The following DTWD2 variants were observed in gnomAD, a reference collection of about 807,000 sequenced individuals.
DTWD2 encodes the protein tRNA-uridine aminocarboxypropyltransferase 2.
Under a neutral mutation model 31.8 loss-of-function variants are expected in DTWD2, and 39 were observed. The observed-to-expected ratio is 1.22, with a 90% CI of 0.95 to 1.60. The LOEUF is 1.60. Ranked by LOEUF, DTWD2 falls within the 40% of genes most tolerant of loss-of-function variation. The pLI, the probability that DTWD2 is intolerant of heterozygous loss-of-function variation, is 0.00. For missense variants in DTWD2, 515 were observed against 381.5 expected (o/e 1.35, Z -2.92); for synonymous variants, 180 against 142.8 (o/e 1.26, Z -1.86).
chr5:118,876,645 C>T (rs993486207), intron 4 of DTWD2, among the ~76,000 whole-genome samples: 3 of 152,172 alleles, frequency 2.0e-5, no homozygotes, highest in Middle Eastern at 6.8e-3. Flanking sequence ...GAAATGGATA[C>T]ATTCCTGGAC....
At chr5:118,898,842 T>A (rs1753141886) in intron 4 of DTWD2, among the ~76,000 whole-genome samples, 1 of 152,210 alleles carries the variant, frequency 6.6e-6, no homozygotes, top group Non-Finnish European at 1.5e-5. Flanking sequence ...GAGGAAAAGG[T>A]TATCCTTAGC....
intron 1 of DTWD2, among the ~76,000 whole-genome samples, chr5:118,966,327 G>T (rs1352703841): frequency 1.3e-5 from 2 of 152,148 alleles, no homozygotes. Flanking sequence ...GTGCGCAGTG[G>T]TTGTCATAAA....
chr5:118,953,965 A>G (rs375272784), intron 1 of DTWD2, among the ~76,000 whole-genome samples: 1 of 152,160 alleles, frequency 6.6e-6, no homozygotes, highest in African/African-American at 2.4e-5. Context: ...CTTTGCTCCA[A>G]TGCCCCATTC....
intron 3 of DTWD2, among the ~76,000 whole-genome samples, chr5:118,933,182 T>C (rs906008256): frequency 3.9e-5 from 6 of 152,088 alleles, no homozygotes; most frequent in Admixed American, 6.6e-5. Flanking sequence ...AATAATCTTC[T>C]AAAAAAGAAA....
chr5:118,985,279 A>T (rs955015912), intron 1 of DTWD2, among the ~76,000 whole-genome samples: 2 of 151,974 alleles, frequency 1.3e-5, no homozygotes, highest in Non-Finnish European at 2.9e-5. Context: ...TAAATATTAG[A>T]ATCCAGATTA....
At chr5:118,860,250 G>C (rs543023250) in intron 4 of DTWD2, among the ~76,000 whole-genome samples, 106 of 149,718 alleles carry the variant, frequency 7.1e-4, no homozygotes, top group Middle Eastern at 3.6e-3. Context: ...AATCTTAAAT[G>C]AATATATCAT....
At chr5:118,854,566 C>T (rs372749835) in intron 4 of DTWD2, among the ~76,000 whole-genome samples, 10 of 151,802 alleles carry the variant, frequency 6.6e-5, no homozygotes, top group African/African-American at 2.2e-4. Context: ...ATTATATAGT[C>T]ATATAAGAAA....
chr5:118,852,079 T>C (rs367578128), intron 4 of DTWD2, among the ~76,000 whole-genome samples: 1 of 152,144 alleles, frequency 6.6e-6, no homozygotes, highest in African/African-American at 2.4e-5. Context: ...TATTCCTTGC[T>C]AGGAAAAGAA....
At chr5:118,950,353 T>C (rs541357238) in intron 1 of DTWD2, among the ~76,000 whole-genome samples, 27 of 151,664 alleles carry the variant, frequency 1.8e-4, no homozygotes, top group South Asian at 2.1e-4. Flanking sequence ...AAGAAGGTAA[T>C]GTGGAGTGGG....
In DTWD2 at chr5:118,840,785, T is replaced by A. The variant is rs1480861063; in HGVS notation, c.*132A>T. The A allele has an allele frequency of 5.5e-6, 5 of 907,036 alleles. No individual in the cohort carries two copies. Among genetic ancestry groups the A allele is most frequent in the Admixed American group, 3.9e-5 (1 of 25,654 alleles). The allele number at this position is 907,036 out of a possible 1,614,324, so 56.2% of individuals were successfully genotyped here. On this transcript the variant is annotated 3_prime_UTR_variant, in exon 6 of 6. Transcript: ENST00000510708. ...TTTATGAATATTTGGTTTACTTCCT[T>A]CTTCTGGGTAAGATTAGTATGCAAT...
chr5:118,852,554 A>C (rs1185046510), intron 4 of DTWD2, among the ~76,000 whole-genome samples: 1 of 152,230 alleles, frequency 6.6e-6, no homozygotes. Flanking sequence ...ATTATTAAAA[A>C]GTCAAAAAAT....
At chr5:118,982,970 T>G (rs1280240923) in intron 1 of DTWD2, among the ~76,000 whole-genome samples, 1 of 152,204 alleles carries the variant, frequency 6.6e-6, no homozygotes, top group Non-Finnish European at 1.5e-5. Flanking sequence ...ACTACAGGCA[T>G]GAGCCACTGT....
intron 4 of DTWD2, among the ~76,000 whole-genome samples, chr5:118,858,072 T>C (rs960659322): frequency 2.6e-5 from 4 of 152,078 alleles, no homozygotes; most frequent in Admixed American, 2.6e-4. Context: ...CTGACCCCCA[T>C]GTGGGAGCAA....
intron 1 of DTWD2, among the ~76,000 whole-genome samples, chr5:118,948,600 G>A (rs2149587744): frequency 6.6e-6 from 1 of 152,292 alleles, no homozygotes; most frequent in South Asian, 2.1e-4. Flanking sequence ...GTCAGGTGTG[G>A]TATCAGGAAT....
intron 1 of DTWD2, among the ~76,000 whole-genome samples, chr5:118,979,209 C>T (rs993857458): frequency 1.8e-4 from 27 of 152,046 alleles, no homozygotes; most frequent in Non-Finnish European, 3.7e-4. Context: ...GAGGCTGAGG[C>T]AGGAGAATGG....
At chr5:118,982,111 T>C (rs1755315100) in intron 1 of DTWD2, among the ~76,000 whole-genome samples, 1 of 152,204 alleles carries the variant, frequency 6.6e-6, no homozygotes, top group Admixed American at 6.5e-5. Context: ...AATGTAAAAG[T>C]ACTTTGTAGC....
At chr5:118,966,207 G>C (rs989579747) in intron 1 of DTWD2, among the ~76,000 whole-genome samples, 164 of 152,302 alleles carry the variant, frequency 1.1e-3, no homozygotes, top group African/African-American at 3.8e-3. Flanking sequence ...TAGATGTACA[G>C]TGGGATTTGG....
intron 4 of DTWD2, among the ~76,000 whole-genome samples, chr5:118,866,459 T>C (rs780173816): frequency 1.4e-4 from 21 of 152,076 alleles, no homozygotes; most frequent in Admixed American, 2.6e-4. Context: ...CATAAGCAAA[T>C]TGAATCCAGC....
intron 4 of DTWD2, among the ~76,000 whole-genome samples, chr5:118,890,536 T>TA (rs1351036926): frequency 6.7e-6 from 1 of 149,362 alleles, no homozygotes; most frequent in Non-Finnish European, 1.5e-5. Context: ...AATGTATATG[T>TA]AAAAAAGTGG....
Sources: allele counts gnomAD v4.1 joint callset (sites outside exome capture counted in the v4.1 genomes callset), GRCh38; gene constraint gnomAD v4.1.1; transcripts MANE v1.5; gene names NCBI Gene and HGNC (gene_info 2026-07-23, HGNC 2026-07-21).